CTNNA2: variants seen among roughly 807,000 people sequenced by gnomAD.
CTNNA2 encodes the protein catenin alpha-2.
A neutral mutation model predicts 101.0 loss-of-function variants in CTNNA2; 42 were observed. The observed-to-expected ratio is 0.42, with a 90% CI of 0.32 to 0.54. The LOEUF is 0.54. Ranked by LOEUF, CTNNA2 falls within the 20% of genes least tolerant of loss-of-function variation. The pLI, the probability that CTNNA2 is intolerant of heterozygous loss-of-function variation, is 0.14. For synonymous variants in CTNNA2, 450 were observed against 456.4 expected (o/e 0.99, Z 0.18); for missense variants, 871 against 1,223.1 (o/e 0.71, Z 4.29).
intron 3 of CTNNA2, among the ~76,000 whole-genome samples, chr2:79,344,477 A>C (rs1489365788): frequency 6.6e-6 from 1 of 152,072 alleles, no homozygotes; most frequent in African/African-American, 2.4e-5. Context: ...AGTTTCACAT[A>C]ATAGGTCTCT....
At chr2:79,672,546 C>T (rs762469562) in intron 2 of CTNNA2, among the ~76,000 whole-genome samples, 11 of 151,884 alleles carry the variant, frequency 7.2e-5, no homozygotes, top group Non-Finnish European at 1.3e-4. Flanking sequence ...TTGCAATTAT[C>T]CTGTGGCCTT....
At chr2:79,762,676 T>G (rs1226253370) in intron 3 of CTNNA2, among the ~76,000 whole-genome samples, 1 of 152,200 alleles carries the variant, frequency 6.6e-6, no homozygotes, top group Non-Finnish European at 1.5e-5. Flanking sequence ...TATATTTCAT[T>G]TATGTTCTGT....
chr2:80,602,978 C>T (rs958604821), intron 15 of CTNNA2, among the ~76,000 whole-genome samples: 1 of 151,986 alleles, frequency 6.6e-6, no homozygotes, highest in Non-Finnish European at 1.5e-5. Flanking sequence ...GACATTTTGT[C>T]TTCTATTTTA....
At chr2:79,464,548 G>A (rs1394139184) in intron 4 of CTNNA2, among the ~76,000 whole-genome samples, 1 of 152,112 alleles carries the variant, frequency 6.6e-6, no homozygotes, top group Non-Finnish European at 1.5e-5. Context: ...AGATCCCTGA[G>A]GAATCACCAC....
chr2:79,562,251 T>C (rs748801532), intron 1 of CTNNA2, among the ~76,000 whole-genome samples: 1 of 152,080 alleles, frequency 6.6e-6, no homozygotes, highest in Non-Finnish European at 1.5e-5. Flanking sequence ...CTTAATTCTA[T>C]TCTATTAATC....
intron 2 of CTNNA2, among the ~76,000 whole-genome samples, chr2:79,659,918 AG>A (rs1681900397): frequency 1.3e-5 from 2 of 152,174 alleles, no homozygotes; most frequent in African/African-American, 4.8e-5. Flanking sequence ...GCTTCAGCCC[AG>A]GAGTTCCAGG....
At chr2:79,685,507 C>A (rs1484939323) in intron 2 of CTNNA2, among the ~76,000 whole-genome samples, 1 of 152,194 alleles carries the variant, frequency 6.6e-6, no homozygotes, top group Admixed American at 6.5e-5. Flanking sequence ...CCAACCTCAA[C>A]ATGCGACCCC....
rs558097770 is a variant in CTNNA2, at chr2:79,384,649, C to T, written c.-135+10636C>T. Among the ~76,000 whole-genome samples the T allele has an allele frequency of 1.4e-4, 21 of 152,202 alleles. No homozygotes were observed. In the East Asian group the frequency reaches 3.7e-3, roughly 27 times the overall value. On this transcript the variant is annotated intron_variant, in intron 4 of 21. Coordinates refer to the CTNNA2 transcript ENST00000466387. ...ATGTTACTTTGAAATCTTCAAAAGG[C>T]AGAGAAAATGTGATAAAGTTGTTTG...
At chr2:79,218,916 A>G (rs1362796997) in intron 2 of CTNNA2, among the ~76,000 whole-genome samples, 1 of 152,190 alleles carries the variant, frequency 6.6e-6, no homozygotes, top group Non-Finnish European at 1.5e-5. Context: ...TGGAAAATAA[A>G]GGAAAGTTCT....
At chr2:80,112,066 T>C (rs1701246378) in intron 7 of CTNNA2, among the ~76,000 whole-genome samples, 1 of 152,134 alleles carries the variant, frequency 6.6e-6, no homozygotes, top group Non-Finnish European at 1.5e-5. Flanking sequence ...AAAAATTTAG[T>C]AAACTGTTTA....
chr2:80,043,176 TCCTTCC>T (rs1208922865), intron 7 of CTNNA2, among the ~76,000 whole-genome samples: 1 of 107,956 alleles, frequency 9.3e-6, no homozygotes, highest in African/African-American at 4.3e-5. Context: ...CTTCCTTCCT[TCCTTCC>T]TTTCTTTCTT....
At chr2:80,534,944 C>A (rs1343239280) in intron 9 of CTNNA2, among the ~76,000 whole-genome samples, 6 of 152,098 alleles carry the variant, frequency 3.9e-5, no homozygotes, top group African/African-American at 1.4e-4. Context: ...ATTTACCAAA[C>A]AATGAGGCAA....
At chr2:79,995,363 C>T (rs916311247) in intron 7 of CTNNA2, among the ~76,000 whole-genome samples, 1 of 152,132 alleles carries the variant, frequency 6.6e-6, no homozygotes, top group African/African-American at 2.4e-5. Flanking sequence ...TATTCATTCC[C>T]TCCTAGGGTT....
At chr2:79,399,704 A>G (rs1345886484) in intron 4 of CTNNA2, among the ~76,000 whole-genome samples, 2 of 152,090 alleles carry the variant, frequency 1.3e-5, no homozygotes, top group African/African-American at 4.8e-5. Context: ...TAAAGATGAG[A>G]CACTCAAAGA....
chr2:80,218,211 G>C (rs977640848), intron 7 of CTNNA2, among the ~76,000 whole-genome samples: 13 of 152,230 alleles, frequency 8.5e-5, no homozygotes, highest in Non-Finnish European at 1.3e-4. Flanking sequence ...TCTACCCAGA[G>C]AGAAGTAAAC....
At position 79,723,799 on chromosome 2, in the gene CTNNA2, A is replaced by G. The variant is rs568643443; in HGVS notation, c.103-20588A>G. On this transcript the variant is annotated intron_variant, in intron 2 of 18. Transcript: ENST00000402739. ...ATTTTTAGAACTGATCTTTTGATTC[A>G]TTTTCCCTGCATCTTTTCTATTAGT... Among the ~76,000 whole-genome samples the G allele has an allele frequency of 1.1e-4, 17 of 152,026 alleles. No individual in the cohort carries two copies. The East Asian group carries it at 2.7e-3, about 24-fold the overall frequency.
At chr2:80,217,861 C>G (rs187287878) in intron 7 of CTNNA2, among the ~76,000 whole-genome samples, 142 of 152,248 alleles carry the variant, frequency 9.3e-4, no homozygotes, top group Admixed American at 1.6e-3. Context: ...CAGAGCAGAG[C>G]GCTCCCAGAA....
chr2:79,428,966 G>C (rs913077860), intron 4 of CTNNA2, among the ~76,000 whole-genome samples: 1 of 152,072 alleles, frequency 6.6e-6, no homozygotes, highest in African/African-American at 2.4e-5. Flanking sequence ...GCTGGGAAGG[G>C]GCTAGGAAAA....
chr2:80,555,994 T>A, intron 12 of CTNNA2, 101 bp downstream of exon 12: 1 of 774,124 alleles, frequency 1.3e-6, no homozygotes, highest in Non-Finnish European at 1.9e-6. Flanking sequence ...TTTATGCTTC[T>A]AAATTGCACA....
Sources: gnomAD v4.1 joint callset for allele counts (sites outside exome capture counted in the v4.1 genomes callset) on GRCh38, gnomAD v4.1.1 for gene constraint, MANE v1.5 for transcripts, NCBI Gene and HGNC (gene_info 2026-07-23, HGNC 2026-07-21) for gene names.